The following ZNF780A variants were observed in gnomAD, a reference collection of about 807,000 sequenced individuals.
ZNF780A encodes zinc finger protein 780A.
In ZNF780A, 40 loss-of-function variants were observed where a neutral mutation model predicts 56.7. The observed-to-expected ratio is 0.71, with a 90% CI of 0.55 to 0.92. ZNF780A has a LOEUF of 0.92. Ranked by LOEUF, ZNF780A falls within the 40% of genes least tolerant of loss-of-function variation. The probability of loss-of-function intolerance (pLI) is 0.00; values close to 1 mark genes in which losing one functional copy is unlikely to be tolerated. For synonymous variants in ZNF780A, 231 were observed against 248.3 expected, an observed-to-expected ratio of 0.93 and a Z score of 0.66; for missense variants, 672 against 783.3, an observed-to-expected ratio of 0.86 and a Z score of 1.70.
chr19:40,069,475 A>G (rs576736789), downstream of ZNF780A: 1 of 152,266 alleles, frequency 6.6e-6, no homozygotes, highest in African/African-American at 2.4e-5. Context: ...CACCTCCAAC[A>G]CTGAGATCAA....
At chr19:40,070,219 T>G (rs1973772309), downstream of ZNF780A, 1 of 152,204 alleles carries the variant, frequency 6.6e-6, no homozygotes. Flanking sequence ...ACCAGTTAGA[T>G]ATATAATAGA....
In ZNF780A at chr19:40,074,432, T is replaced by C; in HGVS notation, c.*84A>G. 3 of 1,575,098 alleles carry C rather than the reference T, an allele frequency of 1.9e-6. No individual in the cohort carries two copies. Among genetic ancestry groups the C allele is most frequent in the Non-Finnish European group, 2.6e-6 (3 of 1,162,164 alleles). On this transcript the variant is annotated 3_prime_UTR_variant, in exon 6 of 6. Coordinates refer to ENST00000683561, the MANE Select transcript of ZNF780A (RefSeq NM_001142578.2). ...GAAGCCTTTCCCACACCCCTTACAT[T>C]CACATGGTTTTACACCAGCACGAAT...
At chr19:40,084,940 C>T in intron 2 of ZNF780A, 142 bp from the exon 3 acceptor site, 1 of 1,120,312 alleles carries the variant, frequency 8.9e-7, no homozygotes, top group Non-Finnish European at 1.3e-6. Context: ...CCCTTGCCCC[C>T]ACACACACTC....
chr19:40,075,529 A>G lies in ZNF780A; in HGVS notation c.913T>C (p.Phe305Leu), dbSNP rs1158029554. The change falls in exon 6 of 6, where the codon TTT (phenylalanine) becomes CTT (leucine). Residue 305 changes from phenylalanine (F) to leucine (L), a missense_variant. Physicochemically the swap from Phe to Leu is conservative, Grantham distance 22. Transcript: ENST00000683561. ...HQKIHSNEKP[F>L]VCKECGMAFR... Reference sequence around the variant, plus strand: ...GCCATCCCACATTCCTTACATACAAAGGGTTTCTCATTGGAATGAATTTTC... The same window carrying G: ...GCCATCCCACATTCCTTACATACAAGGGGTTTCTCATTGGAATGAATTTTC... 6.2e-7 allele frequency: 1 copy of G among 1,612,676 alleles called. No individual in the cohort carries two copies. Among genetic ancestry groups the G allele is most frequent in the Non-Finnish European group, 8.5e-7 (1 of 1,179,688 alleles).
At chr19:40,072,769 C>T (rs1973879900), downstream of ZNF780A, 1 of 1,352,428 alleles carries the variant, frequency 7.4e-7, no homozygotes, top group Middle Eastern at 1.9e-4. Flanking sequence ...CATAGAGGCC[C>T]AGAATTATAA....
chr19:40,075,267 T>G lies in ZNF780A; in HGVS notation c.1175A>C (p.Lys392Thr). 2 of 1,613,868 alleles carry G rather than the reference T, an allele frequency of 1.2e-6. No individual in the cohort carries two copies. The highest frequency in any genetic ancestry group is 1.7e-6 in the Non-Finnish European group (2 of 1,179,972). The change falls in exon 6 of 6, where the codon AAG becomes ACG. Residue 392 changes from lysine (K) to threonine (T), a missense_variant. Coordinates refer to ENST00000683561, the MANE Select transcript of ZNF780A (RefSeq NM_001142578.2). Reference sequence around the variant, plus strand: ...ACGATTAAAGGACTTCCCACATTCCTTACATTCAAACGGTTTTTCACCTGT... The same window carrying G: ...ACGATTAAAGGACTTCCCACATTCCGTACATTCAAACGGTTTTTCACCTGT... ...IHTGEKPFECKECGKSFNRSS... is the reference protein window; with the variant it reads ...IHTGEKPFECTECGKSFNRSS...
intron 2 of ZNF780A, 44 bp from the exon 3 acceptor site, chr19:40,084,842 CT>C: frequency 6.5e-7 from 1 of 1,543,006 alleles, no homozygotes; most frequent in African/African-American, 1.4e-5. Context: ...AAAGCTGTGT[CT>C]CAAAAGCAAA....
intron 2 of ZNF780A, 43 bp from the exon 3 acceptor site, chr19:40,084,841 T>C (rs1332880565): frequency 2.6e-6 from 4 of 1,543,408 alleles, no homozygotes; most frequent in Admixed American, 3.9e-5. Flanking sequence ...TAAAGCTGTG[T>C]CTCAAAAGCA....
At chr19:40,072,151 G>T (rs528817292), downstream of ZNF780A, 6 of 240,012 alleles carry the variant, frequency 2.5e-5, no homozygotes, top group Non-Finnish European at 5.0e-5. Context: ...AATCTACCGC[G>T]GACCCCTGGA....
Position 40,074,732 on chromosome 19 carries a change from C to T in ZNF780A, c.1710G>A (p.Met570Ile). 6.2e-7 allele frequency: 1 copy of T among 1,612,204 alleles called. No homozygotes were observed. Among genetic ancestry groups the T allele is most frequent in the Non-Finnish European group, 8.5e-7 (1 of 1,179,492 alleles). Residue 570 changes from methionine to isoleucine, a missense_variant, in exon 6 of 6, where the codon ATG (methionine) becomes ATA (isoleucine). Transcript: ENST00000683561. ...GCAATTTCTGATGTCGAATAAGGTG[C>T]ATATGAAGTCGAAAGGCTTTCCCAC... ...KECGKAFRLHMHLIRHQKLHT... is the reference protein window; with the variant it reads ...KECGKAFRLHIHLIRHQKLHT...
rs561750854 is a variant in ZNF780A at position 40,085,960 on chromosome 19, A to G, written c.-45-1162T>C. ...CACACACACACACGTGTGTGTATATATATATGTGTGTGTGTATATATATAT... is the reference window on the plus strand; with the variant it reads ...CACACACACACACGTGTGTGTATATGTATATGTGTGTGTGTATATATATAT... On this transcript the variant is annotated intron_variant, in intron 2 of 5. Coordinates refer to ENST00000683561, the MANE Select transcript of ZNF780A (RefSeq NM_001142578.2). 3.0e-4 allele frequency among the ~76,000 whole-genome samples: 45 copies of G among 149,614 alleles called. No homozygotes were observed. In the South Asian group the frequency reaches 8.8e-3, roughly 29 times the overall value.
In ZNF780A at chr19:40,075,716, A is replaced by G; in HGVS notation, c.726T>C (p.Ile242=). 6.2e-7 allele frequency: 1 copy of G among 1,614,088 alleles called. No individual in the cohort carries two copies. The highest frequency in any genetic ancestry group is 8.5e-7 in the Non-Finnish European group (1 of 1,179,996). The change falls in exon 6 of 6, where the codon ATT becomes ATC. Residue 242 remains isoleucine (I), a synonymous_variant. Coordinates refer to ENST00000683561, the MANE Select transcript of ZNF780A (RefSeq NM_001142578.2). ...ATTCAAACAGTTTCTCACCTGTGTG[A>G]ATGTTCTTATGGCGATTAAGCAGGG... The part of the protein sequence containing the change: ...LLTLLNRHKN[I]HTGEKLFECK...
At chr19:40,077,074 C>T (rs975241452) in intron 5 of ZNF780A, among the ~76,000 whole-genome samples, 6 of 152,080 alleles carry the variant, frequency 3.9e-5, no homozygotes, top group African/African-American at 7.2e-5. Context: ...ATCCAAACTA[C>T]GAGGAGGCCA....
chr19:40,084,070 T>C (rs1377768882), intron 3 of ZNF780A, among the ~76,000 whole-genome samples: 1 of 151,624 alleles, frequency 6.6e-6, no homozygotes, highest in East Asian at 1.9e-4. Context: ...AGGCTAATTT[T>C]TTTTTTTCTT....
At chr19:40,086,981 G>T (rs1424922705) in intron 2 of ZNF780A, among the ~76,000 whole-genome samples, 3 of 152,118 alleles carry the variant, frequency 2.0e-5, no homozygotes, top group Non-Finnish European at 4.4e-5. Context: ...GGGATTTCAG[G>T]TGTGAGCCAC....
At chr19:40,076,331 A>T in intron 5 of ZNF780A, 122 bp from the exon 6 acceptor site, 1 of 1,022,682 alleles carries the variant, frequency 9.8e-7, no homozygotes, top group Non-Finnish European at 1.4e-6. Flanking sequence ...TTTATTAGCC[A>T]AAACCAACAA....
chr19:40,074,433 C>A lies in ZNF780A; in HGVS notation c.*83G>T. 1 of 1,575,836 alleles carries A rather than the reference C, an allele frequency of 6.3e-7. No individual in the cohort carries two copies. ...AAGCCTTTCCCACACCCCTTACATT[C>A]ACATGGTTTTACACCAGCACGAATA... On this transcript the variant is annotated 3_prime_UTR_variant, in exon 6 of 6. Transcript: ENST00000683561.
intron 1 of ZNF780A, chr19:40,090,512 C>T (rs922198750): frequency 1.3e-5 from 2 of 152,230 alleles, no homozygotes; most frequent in African/African-American, 2.4e-5. Flanking sequence ...TCATTCTCGG[C>T]TCAATATCTG....
In ZNF780A at chr19:40,075,268, T is replaced by C. The variant is rs1289666225; in HGVS notation, c.1174A>G (p.Lys392Glu). The change falls in exon 6 of 6, where the codon AAG becomes GAG. Residue 392 changes from lysine (K) to glutamate (E), a missense_variant. Coordinates refer to ENST00000683561, the MANE Select transcript of ZNF780A (RefSeq NM_001142578.2). ...CGATTAAAGGACTTCCCACATTCCT[T>C]ACATTCAAACGGTTTTTCACCTGTG... ...IHTGEKPFEC[K>E]ECGKSFNRSS... is the part of the protein sequence containing the mutation. 1 of 1,613,860 alleles carries C rather than the reference T, an allele frequency of 6.2e-7. No individual in the cohort carries two copies.
Sources: allele counts gnomAD v4.1 joint callset (sites outside exome capture counted in the v4.1 genomes callset), GRCh38; gene constraint gnomAD v4.1.1; transcripts MANE v1.5; gene names NCBI Gene and HGNC (gene_info 2026-07-23, HGNC 2026-07-21).